The following NPC1 variants were observed in gnomAD, a reference collection of about 807,000 sequenced individuals.
NPC1 encodes the protein NPC intracellular cholesterol transporter 1, also known as Niemann-Pick C1 protein.
A neutral mutation model predicts 140.4 loss-of-function variants in NPC1; 85 were observed. The observed-to-expected ratio is 0.61, with a 90% CI of 0.51 to 0.72. The LOEUF (loss-of-function observed/expected upper bound fraction) is 0.72. Among genes scored for constraint, NPC1 ranks in the 30% least tolerant of loss-of-function variants. The pLI, the probability that NPC1 is intolerant of heterozygous loss-of-function variation, is 0.00. For synonymous variants in NPC1, 656 were observed against 624.8 expected (o/e 1.05, Z -0.74); for missense variants, 1,504 against 1,623.8 (o/e 0.93, Z 1.27).
At position 23,538,603 on chromosome 18, in the gene NPC1, C is replaced by T; in HGVS notation, c.2980G>A (p.Asp994Asn). Residue 994 changes from aspartate to asparagine, a missense_variant, in exon 20 of 25, where the codon GAC becomes AAC. Asp to Asn is a conservative substitution (Grantham distance 23). Coordinates refer to ENST00000269228, the MANE Select transcript of NPC1 (RefSeq NM_000271.5). ...PEGKQRPQGGDFMRFLPMFLS... is the reference protein window; with the variant it reads ...PEGKQRPQGGNFMRFLPMFLS... ...AACATGGGCAGGAATCTCATGAAGTCTCCCCCCTGAGGCCTCTGTTTGCCT... is the reference window on the plus strand; with the variant it reads ...AACATGGGCAGGAATCTCATGAAGTTTCCCCCCTGAGGCCTCTGTTTGCCT... 6.2e-7 allele frequency: 1 copy of T among 1,614,172 alleles called. No individual in the cohort carries two copies. Among genetic ancestry groups the T allele is most frequent in the Middle Eastern group, 1.6e-4 (1 of 6,062 alleles).
chr18:23,548,161 T>C (rs551837799), intron 10 of NPC1, 53 bp from the exon 11 acceptor site: 4 of 1,016,392 alleles, frequency 3.9e-6, no homozygotes, highest in African/African-American at 3.1e-5. Context: ...TGCAGAAAAT[T>C]AGACACATAC....
At chr18:23,525,946 T>C (rs558198028), downstream of NPC1, among the ~76,000 whole-genome samples, 38 of 152,334 alleles carry the variant, frequency 2.5e-4, no homozygotes, top group South Asian at 1.5e-3. Flanking sequence ...CTGTAACCCA[T>C]AGCCTCATGT....
At chr18:23,528,940 T>G, downstream of NPC1, 2 of 437,090 alleles carry the variant, frequency 4.6e-6, no homozygotes, top group Non-Finnish European at 4.0e-6. Context: ...AGTGCAATGG[T>G]GAGATCTTGG....
Position 23,578,542 on chromosome 18 carries a change from C to A in NPC1, c.58-4968G>T, listed in dbSNP as rs554379451. On this transcript the variant is annotated intron_variant, in intron 1 of 24. Coordinates refer to ENST00000269228, the MANE Select transcript of NPC1 (RefSeq NM_000271.5). ...GAGAGCCAGCCTCCTGGCCCCCAGGCCTGCCTCTGCAGCTGCTCCACCTCA... is the reference window on the plus strand; with the variant it reads ...GAGAGCCAGCCTCCTGGCCCCCAGGACTGCCTCTGCAGCTGCTCCACCTCA... Among the ~76,000 whole-genome samples the A allele has an allele frequency of 2.8e-4, 43 of 152,284 alleles. No individual in the cohort carries two copies. The South Asian group carries it at 8.7e-3, about 31-fold the overall frequency.
intron 20 of NPC1, among the ~76,000 whole-genome samples, chr18:23,537,918 G>A (rs1728856751): frequency 6.6e-6 from 1 of 152,154 alleles, no homozygotes; most frequent in African/African-American, 2.4e-5. Context: ...AAAAACCTAA[G>A]TTCAGGGTTT....
At chr18:23,530,339 C>G, downstream of NPC1, 1 of 1,613,988 alleles carries the variant, frequency 6.2e-7, no homozygotes, top group Non-Finnish European at 8.5e-7. Context: ...GAAACTAACT[C>G]TGTTCCTGTT....
chr18:23,561,599 A>G, intron 4 of NPC1, 72 bp from the exon 5 acceptor site: 5 of 1,510,162 alleles, frequency 3.3e-6, no homozygotes, highest in Non-Finnish European at 4.6e-6. Flanking sequence ...ATCTTACAAA[A>G]GGCCTCTTGA....
downstream of NPC1, chr18:23,524,606 A>G: frequency 2.1e-6 from 2 of 965,806 alleles, no homozygotes; most frequent in South Asian, 2.9e-5. Flanking sequence ...AAGCGTGGGA[A>G]TGGGATTTTT....
Position 23,533,478 on chromosome 18 carries a change from C to G in NPC1, c.3631G>C (p.Val1211Leu). Residue 1211 changes from valine (V) to leucine (L), a missense_variant, in exon 24 of 25, where the codon GTG (valine) becomes CTG (leucine). Transcript: ENST00000269228. ...TGAGATTTGGCAAAAGCCAACACCA[C>G]AATCCCTCCAAATTTTGTAAGTGTG... ...GITLTKFGGI[V>L]VLAFAKSQIF... 6.2e-7 allele frequency: 1 copy of G among 1,614,220 alleles called. No individual in the cohort carries two copies.
downstream of NPC1, chr18:23,530,390 C>T: frequency 6.2e-7 from 1 of 1,614,180 alleles, no homozygotes; most frequent in Non-Finnish European, 8.5e-7. Flanking sequence ...CTGCTAGCGA[C>T]TTTCAACAGC....
chr18:23,582,839 G>A (rs555405012), intron 1 of NPC1, among the ~76,000 whole-genome samples: 5 of 151,400 alleles, frequency 3.3e-5, no homozygotes, highest in African/African-American at 9.7e-5. Context: ...GGGCCAGCAC[G>A]GTGGCTCATG....
chr18:23,514,448 T>C (rs1217507114), intron 3 of NPC1, among the ~76,000 whole-genome samples: 1 of 152,094 alleles, frequency 6.6e-6, no homozygotes, highest in Non-Finnish European at 1.5e-5. Flanking sequence ...TCCCAGTTAC[T>C]TGGGAGGCTG....
downstream of NPC1, chr18:23,526,608 T>C: frequency 6.2e-7 from 1 of 1,611,246 alleles, no homozygotes; most frequent in Non-Finnish European, 8.5e-7. Flanking sequence ...TGCATCATAC[T>C]GTTTTATTTG....
Position 23,544,690 on chromosome 18 carries a change from G to C in NPC1, c.1948-164C>G, listed in dbSNP as rs1652372. On this transcript the variant is annotated intron_variant, in intron 12 of 24. Transcript: ENST00000269228. ...CTTGTAAACATTTCTAGGTCTGCTC[G>C]GGCAACACATGTTATGAGTTTGCAT... 0.02 allele frequency among the ~76,000 whole-genome samples: 3,068 copies of C among 152,154 alleles called. 232 individuals are homozygous for C. The East Asian group carries it at 0.28, about 14-fold the overall frequency.
chr18:23,577,110 G>A (rs1171203677), intron 1 of NPC1, among the ~76,000 whole-genome samples: 1 of 151,726 alleles, frequency 6.6e-6, no homozygotes, highest in Non-Finnish European at 1.5e-5. Context: ...AGATTAGTTA[G>A]ATACAGAGTT....
downstream of NPC1, chr18:23,529,484 G>T (rs937881447): frequency 1.3e-5 from 16 of 1,238,686 alleles, no homozygotes; most frequent in South Asian, 2.2e-4. Context: ...AATTGTTGAC[G>T]GGTGGTTCTG....
At chr18:23,575,374 TC>T (rs2059260215) in intron 1 of NPC1, among the ~76,000 whole-genome samples, 1 of 152,126 alleles carries the variant, frequency 6.6e-6, no homozygotes, top group South Asian at 2.1e-4. Context: ...CGGAGTGGGA[TC>T]GAGTCCTGGG....
At chr18:23,548,130 T>C (rs1339077390) in intron 10 of NPC1, 22 bp from the exon 11 acceptor site, 1 of 1,421,972 alleles carries the variant, frequency 7.0e-7, no homozygotes, top group Non-Finnish European at 9.9e-7. Context: ...AAATGTGACA[T>C]CAAAAAGCAG....
At position 23,532,140 on chromosome 18, in the gene NPC1, C is replaced by A. The variant is rs1363153969; in HGVS notation, c.*62G>T. Reference sequence around the variant, plus strand: ...CAACTTGGCCTTGCCGATGCAGCACCCGTCCAGTGGTAAACCGACCGACCC... The same window carrying A: ...CAACTTGGCCTTGCCGATGCAGCACACGTCCAGTGGTAAACCGACCGACCC... On this transcript the variant is annotated 3_prime_UTR_variant, in exon 25 of 25. Transcript: ENST00000269228. The A allele has an allele frequency of 1.2e-6, 2 of 1,613,986 alleles. No individual in the cohort carries two copies. Among genetic ancestry groups the A allele is most frequent in the African/African-American group, 1.3e-5 (1 of 74,886 alleles).
Sources: gnomAD v4.1 joint callset for allele counts (sites outside exome capture counted in the v4.1 genomes callset) on GRCh38, gnomAD v4.1.1 for gene constraint, MANE v1.5 for transcripts, NCBI Gene and HGNC (gene_info 2026-07-23, HGNC 2026-07-21) for gene names.